Variants in DDX6 observed in about 807,000 individuals in gnomAD.
DDX6 encodes DEAD-box helicase 6.
DDX6 carries 7 observed loss-of-function variants against 60.6 expected under a neutral mutation model. The observed-to-expected ratio is 0.12, with a 90% CI of 0.07 to 0.22. DDX6 has a LOEUF of 0.22. Ranked by LOEUF, DDX6 falls within the 10% of genes least tolerant of loss-of-function variation. The pLI is 1.00. For synonymous variants in DDX6, 207 were observed against 201.0 expected, an observed-to-expected ratio of 1.03 and a Z score of -0.25; for missense variants, 270 against 589.9, an observed-to-expected ratio of 0.46 and a Z score of 5.62.
intron 8 of DDX6, among the ~76,000 whole-genome samples, chr11:118,759,669 C>CCAAT (rs1476564469): frequency 6.6e-6 from 1 of 152,116 alleles, no homozygotes; most frequent in Non-Finnish European, 1.5e-5. Context: ...TCAGCTAGCA[C>CCAAT]CAATGGCTAT....
chr11:118,751,851 T>C lies in DDX6; in HGVS notation c.*254A>G, dbSNP rs1555157454. On this transcript the variant is annotated 3_prime_UTR_variant, in exon 14 of 14. Transcript: ENST00000534980. The stretch of plus-strand genomic sequence containing the variant: ...CCTTGTCCCCTTTCCCCAGAAAACA[T>C]TTTTTAAAAACCAGCAGTTAGTGCA... 3 of 429,690 alleles carry C rather than the reference T, an allele frequency of 7.0e-6. No individual in the cohort carries two copies. Among genetic ancestry groups the C allele is most frequent in the African/African-American group, 2.1e-5 (1 of 48,596 alleles). The allele number at this position is 429,690 out of a possible 1,614,324, so 26.6% of individuals were successfully genotyped here.
chr11:118,780,047 C>CG (rs1371215006), intron 3 of DDX6, among the ~76,000 whole-genome samples: 2 of 121,904 alleles, frequency 1.6e-5, no homozygotes, highest in Non-Finnish European at 3.2e-5. Context: ...ACCCAGGAGA[C>CG]GGAGGTTGCA....
At chr11:118,760,604 C>T (rs782543361) in intron 7 of DDX6, among the ~76,000 whole-genome samples, 4 of 151,338 alleles carry the variant, frequency 2.6e-5, no homozygotes, top group Non-Finnish European at 4.4e-5. Context: ...GGGAGAATCA[C>T]GAGGTCAAGA....
intron 4 of DDX6, among the ~76,000 whole-genome samples, chr11:118,768,594 A>G (rs375965486): frequency 1.3e-5 from 2 of 152,342 alleles, no homozygotes; most frequent in South Asian, 2.1e-4. Context: ...ACCCAATGTC[A>G]TAAGAACTGT....
At chr11:118,754,122 T>G (rs1346808252) in intron 13 of DDX6, among the ~76,000 whole-genome samples, 5 of 151,888 alleles carry the variant, frequency 3.3e-5, no homozygotes, top group Non-Finnish European at 7.4e-5. Context: ...AAATCCCCCC[T>G]ACAAAACTGT....
rs146654614 is a variant in DDX6 at position 118,763,985 on chromosome 11, T to C, written c.647-679A>G. 5.0e-3 allele frequency among the ~76,000 whole-genome samples: 757 copies of C among 152,230 alleles called. 8 individuals carry two copies. Among genetic ancestry groups the C allele is most frequent in the Middle Eastern group, 0.027 (8 of 294 alleles). On this transcript the variant is annotated intron_variant, in intron 6 of 13. Transcript: ENST00000534980. ...AAAAAATATTTGTTTCACCTCTACA[T>C]TGGGTGGGGTACAGCTTCCTAAATC... is the stretch of plus-strand genomic sequence containing the variant.
rs1555161684 is a variant in DDX6, at chr11:118,768,284, C to T, written c.438G>A (p.Lys146=). Residue 146 remains lysine (K), a synonymous_variant, in exon 5 of 14, where the codon AAG becomes AAA. Coordinates refer to ENST00000534980, the MANE Select transcript of DDX6 (RefSeq NM_004397.6). ...ILARAKNGTG[K]SGAYLIPLLE... ...GTAAGGGAATGAGGTAGGCACCGCTCTTGCCTGTTCCATTTTTTGCTCTAG... is the reference window on the plus strand; with the variant it reads ...GTAAGGGAATGAGGTAGGCACCGCTTTTGCCTGTTCCATTTTTTGCTCTAG... 2 of 1,613,578 alleles carry T rather than the reference C, an allele frequency of 1.2e-6. No individual in the cohort carries two copies. Among genetic ancestry groups the T allele is most frequent in the Admixed American group, 1.7e-5 (1 of 60,014 alleles).
rs575272916 is a variant in DDX6 at position 118,759,309 on chromosome 11, C to T, written c.865-407G>A. ...TCCTGACCTTGTGATCTGCCCGCCT[C>T]GGCCCCCCAAAGTGCTGGGATTACA... On this transcript the variant is annotated intron_variant, in intron 8 of 13. Transcript: ENST00000534980. 9.7e-4 allele frequency: 153 copies of T among 157,542 alleles called. 1 individual carries two copies. The South Asian group carries it at 0.023, about 24-fold the overall frequency. The allele number at this position is 157,542 out of a possible 1,614,324, so 9.8% of individuals were successfully genotyped here.
In DDX6 at chr11:118,779,625, A is replaced by AAC; in HGVS notation, c.369+5_369+6dup. ...CCTTACATATGTGATAAAAAGGGTT[A>AAC]ACATACCTGAATAGGAGATGGCTTT... On this transcript the variant is annotated splice_region_variant and intron_variant, in intron 4 of 13. Coordinates refer to ENST00000534980, the MANE Select transcript of DDX6 (RefSeq NM_004397.6). 1.3e-6 allele frequency: 2 copies of AAC among 1,586,920 alleles called. No homozygotes were observed. Among genetic ancestry groups the AAC allele is most frequent in the Non-Finnish European group, 1.7e-6 (2 of 1,159,862 alleles).
chr11:118,776,118 AG>A (rs1861691442), intron 4 of DDX6, among the ~76,000 whole-genome samples: 1 of 152,192 alleles, frequency 6.6e-6, no homozygotes, highest in East Asian at 1.9e-4. Flanking sequence ...CATCCAGCCC[AG>A]GCAACTTAGC....
At chr11:118,763,854 A>AG (rs1861259566) in intron 6 of DDX6, among the ~76,000 whole-genome samples, 1 of 150,900 alleles carries the variant, frequency 6.6e-6, no homozygotes, top group African/African-American at 2.4e-5. Flanking sequence ...AAAAAAAAAA[A>AG]AGAAAGAAAG....
intron 2 of DDX6, among the ~76,000 whole-genome samples, chr11:118,781,922 T>C (rs1268544743): frequency 6.8e-6 from 1 of 146,058 alleles, no homozygotes; most frequent in Non-Finnish European, 1.5e-5. Context: ...AGGGAGACTC[T>C]GTCTCAAAAA....
At chr11:118,754,200 CAGG>C (rs1860884460) in intron 13 of DDX6, among the ~76,000 whole-genome samples, 1 of 152,226 alleles carries the variant, frequency 6.6e-6, no homozygotes, top group Non-Finnish European at 1.5e-5. Flanking sequence ...GAAGCCAAGG[CAGG>C]AGGACTGCTG....
intron 4 of DDX6, among the ~76,000 whole-genome samples, chr11:118,776,241 C>T (rs1167142953): frequency 6.6e-6 from 1 of 152,148 alleles, no homozygotes; most frequent in Non-Finnish European, 1.5e-5. Flanking sequence ...GAGCATTTAT[C>T]ACGTACTAGG....
In DDX6 at chr11:118,768,128, T is replaced by C. The variant is rs568396197; in HGVS notation, c.499+95A>G. On this transcript the variant is annotated intron_variant, in intron 5 of 13. Coordinates refer to ENST00000534980, the MANE Select transcript of DDX6 (RefSeq NM_004397.6). ...AAGAAAGAATACAAATTTTAGATAA[T>C]GTAAATTCTGACTAAAAAAAGAGTA... 5.6e-4 allele frequency: 672 copies of C among 1,193,422 alleles called. 17 individuals are homozygous for C. The South Asian group carries it at 0.012, about 20-fold the overall frequency. The allele number at this position is 1,193,422 out of a possible 1,614,324, so 73.9% of individuals were successfully genotyped here.
chr11:118,770,027 T>A (rs1861485270), intron 4 of DDX6, among the ~76,000 whole-genome samples: 1 of 150,820 alleles, frequency 6.6e-6, no homozygotes, highest in Admixed American at 6.6e-5. Flanking sequence ...AATTTTAATT[T>A]TTTTTCTTTT....
chr11:118,788,976 C>G (rs533577141), intron 1 of DDX6: 1 of 152,162 alleles, frequency 6.6e-6, no homozygotes, highest in East Asian at 1.9e-4. Flanking sequence ...CCACCGTGCC[C>G]GGCTGAAATC....
At chr11:118,763,370 T>TTA in intron 6 of DDX6, 64 bp from the exon 7 acceptor site, 1 of 1,254,002 alleles carries the variant, frequency 8.0e-7, no homozygotes. Flanking sequence ...GGATAAAGGT[T>TTA]TATAATATTA....
At chr11:118,771,987 G>A (rs1555162664) in intron 4 of DDX6, among the ~76,000 whole-genome samples, 1 of 151,898 alleles carries the variant, frequency 6.6e-6, no homozygotes, top group Non-Finnish European at 1.5e-5. Context: ...AATTTTCATA[G>A]CAGCATTATC....
Sources: allele counts gnomAD v4.1 joint callset (sites outside exome capture counted in the v4.1 genomes callset), GRCh38; gene constraint gnomAD v4.1.1; transcripts MANE v1.5; gene names NCBI Gene and HGNC (gene_info 2026-07-23, HGNC 2026-07-21).